The following MCC variants were observed in gnomAD, a reference collection of about 807,000 sequenced individuals.
MCC encodes colorectal mutant cancer protein.
A neutral mutation model predicts 116.2 loss-of-function variants in MCC; 90 were observed. The observed-to-expected ratio is 0.77, with a 90% CI of 0.65 to 0.92. MCC has a LOEUF of 0.92. Among genes scored for constraint, MCC ranks in the 40% least tolerant of loss-of-function variants. The pLI is 0.00. For missense variants in MCC, 1,516 were observed against 1,312.2 expected (o/e 1.16, Z -2.40); for synonymous variants, 578 against 510.5 (o/e 1.13, Z -1.78).
intron 3 of MCC, among the ~76,000 whole-genome samples, chr5:113,153,815 G>A (rs1285911585): frequency 6.6e-6 from 1 of 152,150 alleles, no homozygotes; most frequent in Admixed American, 6.5e-5. Context: ...GTCTGAGTGG[G>A]GAAAAGAACT....
chr5:113,441,937 T>C (rs908859577), intron 1 of MCC, among the ~76,000 whole-genome samples: 1 of 152,226 alleles, frequency 6.6e-6, no homozygotes, highest in African/African-American at 2.4e-5. Context: ...CTATGGTGAA[T>C]AGTGCTGCAA....
At chr5:113,126,349 A>G (rs754537029) in intron 5 of MCC, among the ~76,000 whole-genome samples, 2 of 152,210 alleles carry the variant, frequency 1.3e-5, no homozygotes, top group Non-Finnish European at 2.9e-5. Flanking sequence ...TTTTACAAAC[A>G]AGATAAATGG....
chr5:113,117,205 T>C (rs35456942), intron 6 of MCC, among the ~76,000 whole-genome samples: 14,407 of 152,248 alleles, frequency 0.095, 903 homozygotes, highest in Non-Finnish European at 0.14. Flanking sequence ...TCACTCTGAG[T>C]GGCTGCTTGA....
chr5:113,365,485 C>T (rs918187494), intron 2 of MCC, among the ~76,000 whole-genome samples: 1 of 152,152 alleles, frequency 6.6e-6, no homozygotes, highest in African/African-American at 2.4e-5. Context: ...TAGGAAGTTC[C>T]AAACTTTCTC....
chr5:113,307,826 G>T (rs1307737739), intron 3 of MCC, among the ~76,000 whole-genome samples: 1 of 152,054 alleles, frequency 6.6e-6, no homozygotes, highest in Non-Finnish European at 1.5e-5. Context: ...TTTTATCCCT[G>T]ACCACTTGAA....
intron 3 of MCC, among the ~76,000 whole-genome samples, chr5:113,247,761 T>C (rs1271961845): frequency 6.6e-6 from 1 of 152,066 alleles, no homozygotes; most frequent in Non-Finnish European, 1.5e-5. Flanking sequence ...TGTGGAGCAA[T>C]CAAGGCTCTC....
At chr5:113,039,792 AACT>A (rs1271736396) in intron 17 of MCC, among the ~76,000 whole-genome samples, 4 of 148,254 alleles carry the variant, frequency 2.7e-5, no homozygotes, top group African/African-American at 1.0e-4. Context: ...GACGGAGATG[AACT>A]AGTCTGCTCC....
chr5:113,374,224 T>G lies in MCC; in HGVS notation c.415+10744A>C, dbSNP rs1425463942. Among the ~76,000 whole-genome samples, 11 of 151,210 alleles carry G rather than the reference T, an allele frequency of 7.3e-5. No homozygotes were observed. The South Asian group carries it at 1.7e-3, about 23-fold the overall frequency. On this transcript the variant is annotated intron_variant, in intron 2 of 18. Coordinates refer to ENST00000408903, the MANE Select transcript of MCC (RefSeq NM_001085377.2). ...TCTACTTTTTTTTTTTTTGTTTTTT[T>G]TTTTAATAGCAAAGCCATTGCAATA...
intron 3 of MCC, among the ~76,000 whole-genome samples, chr5:113,242,082 T>C (rs1417807051): frequency 1.3e-5 from 2 of 151,120 alleles, no homozygotes; most frequent in African/African-American, 4.9e-5. Flanking sequence ...TCCTTACTGG[T>C]GCTAACCTAA....
Position 113,151,353 on chromosome 5 carries a change from C to G in MCC, c.697G>C (p.Glu233Gln), listed in dbSNP as rs764369764. The change falls in exon 4 of 19, where the codon GAG becomes CAG. Residue 233 changes from glutamate to glutamine, a missense_variant. Physicochemically the swap from Glu to Gln is conservative, Grantham distance 29. Transcript: ENST00000408903. ...TTTTCCAGAAGGTCCCGTTCCCTCT[C>G]TGTTTGCTGGAGACGTTTATTAAGT... is the stretch of plus-strand genomic sequence containing the variant. ...VELNKRLQQT[E>Q]RERDLLEKKL... is the part of the protein sequence containing the mutation. The G allele has an allele frequency of 6.2e-7, 1 of 1,613,830 alleles. No homozygotes were observed.
intron 11 of MCC, among the ~76,000 whole-genome samples, chr5:113,073,081 AT>A (rs11415931): frequency 1.9e-3 from 270 of 145,520 alleles, no homozygotes; most frequent in African/African-American, 5.7e-3. Flanking sequence ...TATTTTTGCA[AT>A]TTTTTTTTTT....
intron 1 of MCC, among the ~76,000 whole-genome samples, chr5:113,405,708 A>T (rs946322514): frequency 1.3e-5 from 2 of 152,050 alleles, no homozygotes; most frequent in Admixed American, 6.6e-5. Flanking sequence ...TTAGAAAGCT[A>T]AGGTGGGAAG....
chr5:113,379,565 A>G (rs1004567881), intron 2 of MCC, among the ~76,000 whole-genome samples: 1 of 152,238 alleles, frequency 6.6e-6, no homozygotes, highest in Non-Finnish European at 1.5e-5. Flanking sequence ...CTATCTTTCT[A>G]GCATTATAAT....
chr5:113,407,003 C>T (rs1444688048), intron 1 of MCC, among the ~76,000 whole-genome samples: 1 of 152,258 alleles, frequency 6.6e-6, no homozygotes, highest in East Asian at 1.9e-4. Flanking sequence ...AGAACAGATG[C>T]AGCCCCTAAA....
At chr5:113,372,900 C>A (rs1308658039) in intron 2 of MCC, among the ~76,000 whole-genome samples, 1 of 150,242 alleles carries the variant, frequency 6.7e-6, no homozygotes, top group Non-Finnish European at 1.5e-5. Context: ...TGTTTCTGTC[C>A]GGGCGTGGTG....
At chr5:113,066,926 C>G (rs1053671666) in intron 13 of MCC, among the ~76,000 whole-genome samples, 25 of 152,300 alleles carry the variant, frequency 1.6e-4, no homozygotes, top group African/African-American at 6.0e-4. Flanking sequence ...TTGCTATTGC[C>G]TCTCCGAAGG....
chr5:113,441,292 G>A (rs562858922), intron 1 of MCC, among the ~76,000 whole-genome samples: 1 of 152,210 alleles, frequency 6.6e-6, no homozygotes, highest in South Asian at 2.1e-4. Flanking sequence ...CCCAGATGGT[G>A]CCACTGCACC....
chr5:113,100,454 G>C (rs1256868775), intron 8 of MCC, among the ~76,000 whole-genome samples: 1 of 118,990 alleles, frequency 8.4e-6, no homozygotes, highest in Non-Finnish European at 1.6e-5. Context: ...CCCACTAGAT[G>C]TATTTTTCCC....
At chr5:113,121,734 A>C (rs766259427) in intron 6 of MCC, among the ~76,000 whole-genome samples, 1 of 152,216 alleles carries the variant, frequency 6.6e-6, no homozygotes, top group African/African-American at 2.4e-5. Context: ...ACTCATTATA[A>C]AACTCAAGAA....
Sources: gnomAD v4.1 joint callset for allele counts (sites outside exome capture counted in the v4.1 genomes callset) on GRCh38, gnomAD v4.1.1 for gene constraint, MANE v1.5 for transcripts, NCBI Gene and HGNC (gene_info 2026-07-23, HGNC 2026-07-21) for gene names.